GALNT10: variants seen among roughly 807,000 people sequenced by gnomAD.
The protein encoded by GALNT10 is polypeptide N-acetylgalactosaminyltransferase 10, also known as GalNAc transferase 10.
A neutral mutation model predicts 75.0 loss-of-function variants in GALNT10; 41 were observed. The ratio of observed to expected loss-of-function variants is 0.55; its 90% confidence interval spans 0.43 to 0.71. The LOEUF (loss-of-function observed/expected upper bound fraction) is 0.71. Among genes scored for constraint, GALNT10 ranks in the 30% least tolerant of loss-of-function variants. The probability of loss-of-function intolerance (pLI) is 0.00; values close to 1 mark genes in which losing one functional copy is unlikely to be tolerated. For synonymous variants in GALNT10, 302 were observed against 313.0 expected (o/e 0.96, Z 0.37); for missense variants, 727 against 818.5 (o/e 0.89, Z 1.36).
intron 1 of GALNT10, among the ~76,000 whole-genome samples, chr5:154,206,468 C>T (rs1393412152): frequency 6.6e-6 from 1 of 152,296 alleles, no homozygotes; most frequent in East Asian, 1.9e-4. Flanking sequence ...GACAAGTTCA[C>T]GGGGATGCAG....
intron 1 of GALNT10, among the ~76,000 whole-genome samples, chr5:154,206,565 G>A (rs1193040587): frequency 6.6e-6 from 1 of 152,240 alleles, no homozygotes; most frequent in Admixed American, 6.5e-5. Flanking sequence ...CACCCTAGTT[G>A]TAATCAGGAA....
chr5:154,205,058 C>A (rs1231860843), intron 1 of GALNT10, among the ~76,000 whole-genome samples: 1 of 152,170 alleles, frequency 6.6e-6, no homozygotes, highest in East Asian at 1.9e-4. Flanking sequence ...ACCACTCCTC[C>A]GTGTTTCATT....
At chr5:154,411,291 C>A (rs943288402) in intron 9 of GALNT10, among the ~76,000 whole-genome samples, 3 of 152,216 alleles carry the variant, frequency 2.0e-5, no homozygotes, top group Non-Finnish European at 4.4e-5. Context: ...GTGTTGGCCT[C>A]ATGCTGAAGG....
chr5:154,398,714 C>T (rs1756097066), intron 7 of GALNT10, among the ~76,000 whole-genome samples: 1 of 152,190 alleles, frequency 6.6e-6, no homozygotes, highest in African/African-American at 2.4e-5. Flanking sequence ...ATCTGGGTTG[C>T]AGATGTCCCC....
At position 154,329,676 on chromosome 5, in the gene GALNT10, T is replaced by C; in HGVS notation, c.506T>C (p.Leu169Pro). The change falls in exon 4 of 12, where the codon CTC (leucine) becomes CCC (proline). Residue 169 changes from leucine to proline, a missense_variant. Physicochemically the swap from Leu to Pro is moderately conservative, Grantham distance 98. Transcript: ENST00000297107. Reference sequence around the variant, plus strand: ...CTCCTCCGCACCGTCCACAGTGTGCTCAATCGCTCGCCTCCAGAGCTGGTC... The same window carrying C: ...CTCCTCCGCACCGTCCACAGTGTGCCCAATCGCTCGCCTCCAGAGCTGGTC... The part of the protein sequence containing the change: ...SSLLRTVHSV[L>P]NRSPPELVAE... 1 of 1,613,514 alleles carries C rather than the reference T, an allele frequency of 6.2e-7. No individual in the cohort carries two copies. The highest frequency in any genetic ancestry group is 8.5e-7 in the Non-Finnish European group (1 of 1,179,468).
At chr5:154,227,362 GAT>G (rs1753078508) in intron 1 of GALNT10, among the ~76,000 whole-genome samples, 1 of 152,196 alleles carries the variant, frequency 6.6e-6, no homozygotes, top group Non-Finnish European at 1.5e-5. Flanking sequence ...TGTATGTGGT[GAT>G]ATCTTAACGT....
chr5:154,284,820 G>C (rs1473289485), intron 1 of GALNT10, among the ~76,000 whole-genome samples: 1 of 152,236 alleles, frequency 6.6e-6, no homozygotes, highest in Non-Finnish European at 1.5e-5. Context: ...TAGCTGTGAT[G>C]ATTACACTCA....
intron 1 of GALNT10, among the ~76,000 whole-genome samples, chr5:154,210,970 G>A (rs1716700359): frequency 6.6e-6 from 1 of 152,200 alleles, no homozygotes; most frequent in Admixed American, 6.5e-5. Flanking sequence ...GGGGGAGAGG[G>A]AGAGAGAGTG....
chr5:154,227,546 A>T (rs10079912), intron 1 of GALNT10, among the ~76,000 whole-genome samples: 2,263 of 152,216 alleles, frequency 0.015, 46 homozygotes, highest in African/African-American at 0.052. Context: ...TTTATATTCT[A>T]TATACAAGTA....
In GALNT10 at chr5:154,213,026, C is replaced by T. The variant is rs143026694; in HGVS notation, c.159+22001C>T. On this transcript the variant is annotated intron_variant, in intron 1 of 11. Coordinates refer to ENST00000297107, the MANE Select transcript of GALNT10 (RefSeq NM_198321.4). Reference sequence around the variant, plus strand: ...TCAGACCTATGGGTTTAAATTTCAACGCTTCTACTTTAGAGCTTTGAGCAG... The same window carrying T: ...TCAGACCTATGGGTTTAAATTTCAATGCTTCTACTTTAGAGCTTTGAGCAG... Among the ~76,000 whole-genome samples, 414 of 151,758 alleles carry T rather than the reference C, an allele frequency of 2.7e-3. 2 individuals are homozygous for T. The highest frequency in any genetic ancestry group is 9.0e-3 in the African/African-American group (373 of 41,394).
chr5:154,248,589 T>C (rs912216483), intron 1 of GALNT10, among the ~76,000 whole-genome samples: 4 of 152,250 alleles, frequency 2.6e-5, no homozygotes, highest in African/African-American at 9.6e-5. Flanking sequence ...TTTTCTACTT[T>C]ATTTGCATAG....
intron 1 of GALNT10, among the ~76,000 whole-genome samples, chr5:154,286,983 T>TA (rs1754120687): frequency 6.6e-6 from 1 of 152,174 alleles, no homozygotes; most frequent in South Asian, 2.1e-4. Context: ...ACTGAATAGG[T>TA]GCTAGGGTTA....
chr5:154,191,684 C>T (rs1402767600), intron 1 of GALNT10, among the ~76,000 whole-genome samples: 2 of 152,254 alleles, frequency 1.3e-5, no homozygotes, highest in African/African-American at 4.8e-5. Context: ...GCTCCTGGTC[C>T]TTGAGGGACC....
intron 3 of GALNT10, among the ~76,000 whole-genome samples, chr5:154,307,650 A>G (rs185176774): frequency 1.8e-4 from 28 of 152,002 alleles, no homozygotes; most frequent in Non-Finnish European, 3.4e-4. Context: ...ATAATTCTAT[A>G]CAAATTTTTC....
At chr5:154,315,197 A>G (rs1754579176) in intron 3 of GALNT10, among the ~76,000 whole-genome samples, 1 of 152,242 alleles carries the variant, frequency 6.6e-6, no homozygotes, top group Non-Finnish European at 1.5e-5. Flanking sequence ...TTTTTAATCC[A>G]GGGAACAGAT....
intron 1 of GALNT10, among the ~76,000 whole-genome samples, chr5:154,199,911 A>G (rs1775000212): frequency 6.6e-6 from 1 of 152,196 alleles, no homozygotes; most frequent in African/African-American, 2.4e-5. Flanking sequence ...TCCTAGTGTC[A>G]TGGTGATGAT....
chr5:154,287,911 TGTGA>T (rs753926717), intron 1 of GALNT10, among the ~76,000 whole-genome samples: 120 of 137,152 alleles, frequency 8.7e-4, no homozygotes, highest in African/African-American at 3.0e-3. Flanking sequence ...TGTGTGTGTG[TGTGA>T]GAGAGAGAGA....
chr5:154,293,613 A>ATTTTTTTTTTTTTTTTTTTTTTTTT (rs1201863629), intron 1 of GALNT10, among the ~76,000 whole-genome samples: 3 of 109,356 alleles, frequency 2.7e-5, no homozygotes, highest in African/African-American at 4.2e-5. Flanking sequence ...ATATATATAT[A>ATTTTTTTTTTTTTTTTTTTTTTTTT]TTTTTTTTTT....
At chr5:154,257,954 C>CT (rs1753639645) in intron 1 of GALNT10, among the ~76,000 whole-genome samples, 1 of 152,110 alleles carries the variant, frequency 6.6e-6, no homozygotes, top group Non-Finnish European at 1.5e-5. Flanking sequence ...TTTTCTGAGC[C>CT]TTTTTGCATC....
Sources: gnomAD v4.1 joint callset for allele counts (sites outside exome capture counted in the v4.1 genomes callset) on GRCh38, gnomAD v4.1.1 for gene constraint, MANE v1.5 for transcripts, NCBI Gene and HGNC (gene_info 2026-07-23, HGNC 2026-07-21) for gene names.